Variants in ABCA12 observed in about 807,000 individuals in gnomAD.
ABCA12 encodes glucosylceramide transporter ABCA12.
In ABCA12, 156 loss-of-function variants were observed where a neutral mutation model predicts 293.5. That is an observed-to-expected ratio of 0.53 (90% CI 0.47 to 0.61). The LOEUF (loss-of-function observed/expected upper bound fraction) is 0.61, where lower values mean the gene tolerates loss of function less well. Ranked by LOEUF, ABCA12 falls within the 20% of genes least tolerant of loss-of-function variation. The probability of loss-of-function intolerance (pLI) is 0.00; values close to 1 mark genes in which losing one functional copy is unlikely to be tolerated. For synonymous variants in ABCA12, 1,063 were observed against 1,108.0 expected, an observed-to-expected ratio of 0.96 and a Z score of 0.81; for missense variants, 2,797 against 3,090.2, an observed-to-expected ratio of 0.91 and a Z score of 2.25.
intron 44 of ABCA12, among the ~76,000 whole-genome samples, chr2:214,952,499 G>A (rs929440376): frequency 2.0e-5 from 3 of 152,146 alleles, no homozygotes; most frequent in Admixed American, 6.5e-5. Context: ...GGGATTACAG[G>A]CGTGAGCCAC....
At chr2:215,064,701 A>G (rs915128496) in intron 2 of ABCA12, among the ~76,000 whole-genome samples, 8 of 30,996 alleles carry the variant, frequency 2.6e-4, no homozygotes, top group African/African-American at 7.1e-4. Flanking sequence ...ACGCACACAC[A>G]CACACACACA....
chr2:214,956,286 G>A, intron 42 of ABCA12, among the ~76,000 whole-genome samples: 1 of 151,986 alleles, frequency 6.6e-6, no homozygotes, highest in Admixed American at 6.5e-5. Context: ...TATACATGAA[G>A]GTATATGCAC....
intron 2 of ABCA12, among the ~76,000 whole-genome samples, chr2:215,096,262 G>T (rs1170259878): frequency 2.0e-5 from 3 of 152,090 alleles, no homozygotes; most frequent in African/African-American, 4.8e-5. Flanking sequence ...TATGAAGTAG[G>T]TTCTTTGATT....
At chr2:215,072,830 C>T (rs925609141) in intron 2 of ABCA12, among the ~76,000 whole-genome samples, 1 of 152,244 alleles carries the variant, frequency 6.6e-6, no homozygotes, top group South Asian at 2.1e-4. Flanking sequence ...GGCGCGGTGG[C>T]TCACGCCTGT....
At chr2:215,114,113 T>C (rs886934422) in intron 1 of ABCA12, among the ~76,000 whole-genome samples, 2 of 152,276 alleles carry the variant, frequency 1.3e-5, no homozygotes, top group East Asian at 1.9e-4. Context: ...TAGCTGGGAC[T>C]ACAGGCACAT....
At chr2:214,968,630 A>G (rs1441208214) in intron 38 of ABCA12, 90 bp downstream of exon 38, 1 of 1,240,234 alleles carries the variant, frequency 8.1e-7, no homozygotes, top group Non-Finnish European at 1.2e-6. Flanking sequence ...GATTGTACCC[A>G]TATTTTGTTT....
chr2:215,060,213 G>A (rs544058160), intron 3 of ABCA12, among the ~76,000 whole-genome samples: 4 of 151,966 alleles, frequency 2.6e-5, no homozygotes, highest in Non-Finnish European at 2.9e-5. Context: ...GTGTTATCTT[G>A]TCTCTCCGTC....
At chr2:215,098,676 ACT>A (rs1440208871) in intron 2 of ABCA12, among the ~76,000 whole-genome samples, 1 of 152,192 alleles carries the variant, frequency 6.6e-6, no homozygotes, top group East Asian at 1.9e-4. Context: ...GACATGAGTG[ACT>A]CTGTTTGACA....
chr2:215,101,355 CT>C (rs1277394658), intron 2 of ABCA12, among the ~76,000 whole-genome samples: 1 of 152,262 alleles, frequency 6.6e-6, no homozygotes, highest in East Asian at 1.9e-4. Flanking sequence ...TTTAAACTCT[CT>C]GGTCCTCAAC....
chr2:215,086,919 TTTATTA>T (rs139025147), intron 2 of ABCA12, among the ~76,000 whole-genome samples: 45 of 151,096 alleles, frequency 3.0e-4, no homozygotes, highest in African/African-American at 3.9e-4. Context: ...TAACTACCAG[TTTATTA>T]TTATTATTAT....
chr2:214,976,296 T>C (rs1189368669), intron 33 of ABCA12, among the ~76,000 whole-genome samples: 1 of 152,160 alleles, frequency 6.6e-6, no homozygotes, highest in Non-Finnish European at 1.5e-5. Flanking sequence ...CACAAAATAG[T>C]ATTAATCACA....
chr2:214,967,457 C>A lies in ABCA12; in HGVS notation c.5779-504G>T, dbSNP rs570138125. ...TAATTATAACCTACCAAATGGGGCG[C>A]GATTTTACCTTCTATGTCATAAACA... On this transcript the variant is annotated intron_variant, in intron 38 of 52. Coordinates refer to ENST00000272895, the MANE Select transcript of ABCA12 (RefSeq NM_173076.3). 2.0e-5 allele frequency among the ~76,000 whole-genome samples: 3 copies of A among 152,180 alleles called. No individual in the cohort carries two copies. In the South Asian group the frequency reaches 6.2e-4, roughly 32 times the overall value.
intron 44 of ABCA12, among the ~76,000 whole-genome samples, chr2:214,951,406 G>A (rs1698764865): frequency 6.6e-6 from 1 of 152,226 alleles, no homozygotes; most frequent in Non-Finnish European, 1.5e-5. Flanking sequence ...AGGAACTAAG[G>A]AACTCCAGAA....
intron 2 of ABCA12, among the ~76,000 whole-genome samples, chr2:215,103,003 C>T (rs1241989978): frequency 6.6e-6 from 1 of 152,160 alleles, no homozygotes; most frequent in Admixed American, 6.5e-5. Flanking sequence ...TTTTCAAACT[C>T]TCTAATTTTG....
chr2:215,095,437 A>G (rs996573320), intron 2 of ABCA12, among the ~76,000 whole-genome samples: 3 of 152,078 alleles, frequency 2.0e-5, no homozygotes, highest in Admixed American at 6.6e-5. Flanking sequence ...CAATCATTCT[A>G]TACGACAAAT....
At position 215,069,482 on chromosome 2, in the gene ABCA12, T is replaced by A. The variant is rs567577998; in HGVS notation, c.164-5263A>T. Reference sequence around the variant, plus strand: ...GTAATAATTTATTAACGTTTTTTTTTAAATCTTCTTGTAGTTTTCAAGCAC... The same window carrying A: ...GTAATAATTTATTAACGTTTTTTTTAAAATCTTCTTGTAGTTTTCAAGCAC... On this transcript the variant is annotated intron_variant, in intron 2 of 52. Transcript: ENST00000272895. Among the ~76,000 whole-genome samples, 130 of 152,310 alleles carry A rather than the reference T, an allele frequency of 8.5e-4. 1 individual carries two copies. Among genetic ancestry groups the A allele is most frequent in the African/African-American group, 2.7e-3 (111 of 41,570 alleles).
At chr2:215,038,677 G>A (rs1701037797) in intron 7 of ABCA12, among the ~76,000 whole-genome samples, 1 of 152,180 alleles carries the variant, frequency 6.6e-6, no homozygotes, top group South Asian at 2.1e-4. Context: ...CTGTCTCAGG[G>A]CGTAAATCTT....
chr2:215,137,375 C>G (rs1358763545), intron 1 of ABCA12, among the ~76,000 whole-genome samples: 1 of 152,026 alleles, frequency 6.6e-6, no homozygotes, highest in Non-Finnish European at 1.5e-5. Context: ...TTTTGGATTT[C>G]CCCGATTTTC....
At chr2:215,049,960 T>TA in intron 5 of ABCA12, 149 bp from the exon 6 acceptor site, 9 of 702,610 alleles carry the variant, frequency 1.3e-5, no homozygotes, top group Non-Finnish European at 2.2e-5. Flanking sequence ...ATAAAGTAGA[T>TA]AGAGTTTACC....
Sources: gnomAD v4.1 joint callset for allele counts (sites outside exome capture counted in the v4.1 genomes callset) on GRCh38, gnomAD v4.1.1 for gene constraint, MANE v1.5 for transcripts, NCBI Gene and HGNC (gene_info 2026-07-23, HGNC 2026-07-21) for gene names.